PHKG2: variants seen among roughly 807,000 people sequenced by gnomAD.
The protein encoded by PHKG2 is phosphorylase kinase catalytic subunit gamma 2, also known as phosphorylase b kinase gamma catalytic chain, liver/testis isoform.
A neutral mutation model predicts 44.5 loss-of-function variants in PHKG2; 28 were observed. The observed-to-expected ratio is 0.63, with a 90% confidence interval of 0.47 to 0.86. PHKG2 has a LOEUF of 0.86. Among genes scored for constraint, PHKG2 ranks in the 40% least tolerant of loss-of-function variants. The pLI, the probability that PHKG2 is intolerant of heterozygous loss-of-function variation, is 0.00. For synonymous variants in PHKG2, 220 were observed against 211.2 expected (o/e 1.04, Z -0.36); for missense variants, 498 against 547.5 (o/e 0.91, Z 0.90).
intron 9 of PHKG2, 39 bp from the exon 10 acceptor site, chr16:30,756,765 T>A: frequency 6.2e-7 from 1 of 1,614,112 alleles, no homozygotes; most frequent in South Asian, 1.1e-5. Context: ...TCCCATGATC[T>A]TTCCCCTGCA....
Position 30,759,364 on chromosome 16 carries a change from TAG to T in PHKG2, c.*2270_*2271del. 6.2e-7 allele frequency: 1 copy of T among 1,614,220 alleles called. No homozygotes were observed. The highest frequency in any genetic ancestry group is 1.1e-5 in the South Asian group (1 of 91,082). On this transcript the variant is annotated 3_prime_UTR_variant, in exon 10 of 10. Coordinates refer to ENST00000563588, the MANE Select transcript of PHKG2 (RefSeq NM_000294.3). ...TACCTGGGGTGTGAAGACGTATTTA[TAG>T]AGCTTGAAGTGGCGGAAGTAAGTGT...
In PHKG2 at chr16:30,751,236, C is replaced by T. The variant is rs1450937339; in HGVS notation, c.226C>T (p.Arg76Ter). Reference sequence around the variant, plus strand: ...GGAGGAGGTGCGGGAAGCCACACGGCGAGAGACACACATCCTTCGCCAGGT... The same window carrying T: ...GGAGGAGGTGCGGGAAGCCACACGGTGAGAGACACACATCCTTCGCCAGGT... ...QLEEVREATR[R>*]ETHILRQVAG... Residue 76 changes from arginine (R) to a stop codon, truncating the protein, a stop_gained, in exon 3 of 10, where the codon CGA becomes TGA. Transcript: ENST00000563588. LOFTEE classifies it high-confidence loss of function. 24 of 1,612,776 alleles carry T rather than the reference C, an allele frequency of 1.5e-5. No homozygotes were observed. The highest frequency in any genetic ancestry group is 1.7e-5 in the Non-Finnish European group (20 of 1,180,034).
rs567910325 is a variant in PHKG2, at chr16:30,759,337, C to T, written c.*2240C>T. ...GGTGGCTCCTCATGGTCCACCACCCCCTACCTGGGGTGTGAAGACGTATTT... is the reference window on the plus strand; with the variant it reads ...GGTGGCTCCTCATGGTCCACCACCCTCTACCTGGGGTGTGAAGACGTATTT... On this transcript the variant is annotated 3_prime_UTR_variant, in exon 10 of 10. Transcript: ENST00000563588. The T allele has an allele frequency of 4.3e-6, 7 of 1,613,196 alleles. No individual in the cohort carries two copies. The East Asian group carries it at 1.3e-4, about 31-fold the overall frequency.
chr16:30,754,562 A>G (rs969783654), intron 6 of PHKG2, among the ~76,000 whole-genome samples: 1 of 152,212 alleles, frequency 6.6e-6, no homozygotes. Context: ...TGGCTCAAAG[A>G]GGTGAGATGA....
chr16:30,749,033 G>C (rs2053295405), intron 2 of PHKG2, 118 bp downstream of exon 2: 1 of 157,272 alleles, frequency 6.4e-6, no homozygotes. Context: ...TGGTGGTGGT[G>C]GTGGTGGTGG....
chr16:30,753,564 G>A lies in PHKG2; in HGVS notation c.556+7G>A, dbSNP rs1334844911. 1.2e-6 allele frequency: 2 copies of A among 1,613,946 alleles called. No individual in the cohort carries two copies. Among genetic ancestry groups the A allele is most frequent in the Admixed American group, 1.7e-5 (1 of 60,024 alleles). On this transcript the variant is annotated splice_region_variant and intron_variant, in intron 6 of 9. Coordinates refer to ENST00000563588, the MANE Select transcript of PHKG2 (RefSeq NM_000294.3). ...CCTGGCGAGAAGCTTCGAGGTGAGG[G>A]GATCTAGTGCCCTAATAGGCTTGGG...
rs777397325 is a variant in PHKG2, at chr16:30,759,518, C to T, written c.*2421C>T. 13 of 1,614,128 alleles carry T rather than the reference C, an allele frequency of 8.1e-6. No homozygotes were observed. The highest frequency in any genetic ancestry group is 1.1e-5 in the South Asian group (1 of 91,086). ...CCTTCCGGAGCCCTGGCTTTGCCTC[C>T]AAAAGCCCAGCAACAGGAGCAAGGA... On this transcript the variant is annotated 3_prime_UTR_variant, in exon 10 of 10. Transcript: ENST00000563588.
intron 4 of PHKG2, 166 bp downstream of exon 4, chr16:30,751,769 C>T: frequency 1.3e-6 from 1 of 763,646 alleles, no homozygotes; most frequent in Non-Finnish European, 2.4e-6. Flanking sequence ...TGGCCTTCTC[C>T]CTTGGTGCCA....
intron 4 of PHKG2, 112 bp from the exon 5 acceptor site, chr16:30,753,120 G>A: frequency 1.1e-6 from 1 of 869,652 alleles, no homozygotes. Flanking sequence ...TGGTTTGTCT[G>A]CAGAGATCTA....
chr16:30,751,154 C>T lies in PHKG2; in HGVS notation c.144C>T (p.His48=), dbSNP rs141595425. The change falls in exon 3 of 10, where the codon CAC becomes CAT. Residue 48 remains histidine (H), a synonymous_variant. Transcript: ENST00000563588. ...VRRCVHRATG[H]EFAVKIMEVT... The stretch of plus-strand genomic sequence containing the variant: ...GTTGTGTTCATCGAGCTACTGGCCA[C>T]GAGTTTGCGGTGAAGATTATGGAAG... 2.0e-5 allele frequency: 32 copies of T among 1,613,964 alleles called. 1 individual carries two copies. Among genetic ancestry groups the T allele is most frequent in the African/African-American group, 1.3e-4 (10 of 75,046 alleles).
chr16:30,760,649 A>G lies in PHKG2; in HGVS notation c.*3552A>G. 6.4e-7 allele frequency: 1 copy of G among 1,554,400 alleles called. No homozygotes were observed. Among genetic ancestry groups the G allele is most frequent in the South Asian group, 1.2e-5 (1 of 84,292 alleles). ...GTGGTCTTCTCCAGCTGGTGCATGG[A>G]ATGGACGTCCAGGTACTTCCTGTTA... On this transcript the variant is annotated 3_prime_UTR_variant, in exon 10 of 10. Transcript: ENST00000563588.
intron 6 of PHKG2, 34 bp downstream of exon 6, chr16:30,753,591 G>A (rs986429508): frequency 5.0e-6 from 8 of 1,606,332 alleles, no homozygotes; most frequent in African/African-American, 2.7e-5. Context: ...AGGCTTGGGA[G>A]GGGAGACCCA....
chr16:30,748,729 C>T (rs1289609555), intron 1 of PHKG2, 74 bp from the exon 2 acceptor site: 7 of 791,102 alleles, frequency 8.8e-6, no homozygotes, highest in Admixed American at 8.6e-5. Flanking sequence ...GGGCTGCGCC[C>T]CCGGGAGCCG....
At chr16:30,756,047 T>A (rs919854018) in intron 6 of PHKG2, 135 bp from the exon 7 acceptor site, 2 of 799,576 alleles carry the variant, frequency 2.5e-6, no homozygotes, top group East Asian at 4.9e-5. Flanking sequence ...GCAGGAGACT[T>A]GGCAGAAGGC....
At chr16:30,749,197 TGGTGGTG>T (rs1417074964) in intron 2 of PHKG2, among the ~76,000 whole-genome samples, 2,051 of 48,536 alleles carry the variant, frequency 0.042, 168 homozygotes, top group Middle Eastern at 0.09. Context: ...GTGGTGGTGC[TGGTGGTG>T]GTGTGTGTGT....
At chr16:30,751,317 C>T (rs369554115) in intron 3 of PHKG2, 36 bp downstream of exon 3, 12 of 1,599,178 alleles carry the variant, frequency 7.5e-6, no homozygotes, top group Non-Finnish European at 9.4e-6. Flanking sequence ...TAGCAGACGA[C>T]CCCCCACCTC....
In PHKG2 at chr16:30,753,603, G is replaced by C. The variant is rs754926114; in HGVS notation, c.556+46G>C. ...AATAGGCTTGGGAGGGGAGACCCAG[G>C]CCTGATGAGATTGGTTGGCTGGGTC... is the stretch of plus-strand genomic sequence containing the variant. On this transcript the variant is annotated intron_variant, in intron 6 of 9. Transcript: ENST00000563588. The C allele has an allele frequency of 1.0e-5, 16 of 1,586,748 alleles. No homozygotes were observed. The Admixed American group carries it at 2.2e-4, about 22-fold the overall frequency.
In PHKG2 at chr16:30,759,399, G is replaced by GT. The variant is rs1567268739; in HGVS notation, c.*2303dup. 6.2e-6 allele frequency: 10 copies of GT among 1,614,232 alleles called. No individual in the cohort carries two copies. Among genetic ancestry groups the GT allele is most frequent in the Non-Finnish European group, 8.5e-6 (10 of 1,180,034 alleles). On this transcript the variant is annotated 3_prime_UTR_variant, in exon 10 of 10. Transcript: ENST00000563588. ...AGTGGCGGAAGTAAGTGTTGACCAC[G>GT]TAGTCTTCCAAGGCCAGCAGCTGTT... is the stretch of plus-strand genomic sequence containing the variant.
intron 6 of PHKG2, chr16:30,755,030 A>T (rs2053398563): frequency 2.5e-6 from 1 of 406,734 alleles, no homozygotes; most frequent in East Asian, 7.3e-5. Flanking sequence ...GCCATGGAAC[A>T]AGGTTCAGAA....
Sources: allele counts gnomAD v4.1 joint callset (sites outside exome capture counted in the v4.1 genomes callset), GRCh38; gene constraint gnomAD v4.1.1; transcripts MANE v1.5; gene names NCBI Gene and HGNC (gene_info 2026-07-23, HGNC 2026-07-21).